KDM3B: variants seen among roughly 807,000 people sequenced by gnomAD.
The protein encoded by KDM3B is lysine-specific demethylase 3B.
In KDM3B, 10 loss-of-function variants were observed where a neutral mutation model predicts 170.0. The observed-to-expected ratio is 0.06, with a 90% CI of 0.04 to 0.10. The LOEUF is 0.10. KDM3B is among the 10% of genes least tolerant of loss of function. KDM3B has a pLI of 1.00. For missense variants in KDM3B, 1,394 were observed against 2,195.2 expected, an observed-to-expected ratio of 0.64 and a Z score of 7.29; for synonymous variants, 831 against 834.8, an observed-to-expected ratio of 1.00 and a Z score of 0.08.
At chr5:138,416,661 A>AT (rs1763115315) in intron 12 of KDM3B, among the ~76,000 whole-genome samples, 1 of 151,004 alleles carries the variant, frequency 6.6e-6, no homozygotes, top group Non-Finnish European at 1.5e-5. Flanking sequence ...TGGATCCCTT[A>AT]TACCCCACTG....
chr5:138,415,310 T>G lies in KDM3B; in HGVS notation c.3307+71T>G, dbSNP rs914422831. 4.5e-5 allele frequency: 43 copies of G among 947,230 alleles called. 1 individual carries two copies. Among genetic ancestry groups the G allele is most frequent in the Middle Eastern group, 4.4e-4 (2 of 4,538 alleles). The allele number at this position is 947,230 out of a possible 1,614,324, so 58.7% of individuals were successfully genotyped here. A position where few individuals can be genotyped will look rare whatever the true frequency, so the allele number is the denominator to read the frequency against. On this transcript the variant is annotated intron_variant, in intron 12 of 23. Transcript: ENST00000314358. ...TTGAGATAGCCATACACCATAAAAT[T>G]TTTTGAAATGATTTAGCCTCATTTT...
At position 138,382,575 on chromosome 5, in the gene KDM3B, C is replaced by G. The variant is rs546977674; in HGVS notation, c.780+985C>G. ...GTATCTTGGCACCTCTGTAATATTG[C>G]TGTCGTTGCCACTCCTGCTAAGTAT... On this transcript the variant is annotated intron_variant, in intron 6 of 23. Coordinates refer to ENST00000314358, the MANE Select transcript of KDM3B (RefSeq NM_016604.4). Among the ~76,000 whole-genome samples the G allele has an allele frequency of 1.3e-4, 20 of 152,346 alleles. No individual in the cohort carries two copies. In the South Asian group the frequency reaches 3.5e-3, roughly 27 times the overall value.
At chr5:138,358,272 G>A (rs1456182710) in intron 1 of KDM3B, among the ~76,000 whole-genome samples, 1 of 150,042 alleles carries the variant, frequency 6.7e-6, no homozygotes, top group East Asian at 2.0e-4. Context: ...CTGAACCACC[G>A]CGCTCGGCGG....
intron 3 of KDM3B, among the ~76,000 whole-genome samples, chr5:138,376,758 T>C (rs1762010269): frequency 6.6e-6 from 1 of 151,148 alleles, no homozygotes; most frequent in Non-Finnish European, 1.5e-5. Flanking sequence ...GAGGTGGCTG[T>C]TTGTGTAACT....
intron 1 of KDM3B, among the ~76,000 whole-genome samples, chr5:138,369,477 C>T (rs953712350): frequency 6.6e-6 from 1 of 152,278 alleles, no homozygotes; most frequent in East Asian, 1.9e-4. Flanking sequence ...CCACCGTATA[C>T]ACACACAAAA....
intron 17 of KDM3B, 166 bp downstream of exon 17, chr5:138,425,748 C>A: frequency 1.7e-6 from 1 of 602,720 alleles, no homozygotes; most frequent in Non-Finnish European, 2.7e-6. Flanking sequence ...TTGCTCGCTC[C>A]TGTAATTTCA....
intron 1 of KDM3B, among the ~76,000 whole-genome samples, chr5:138,368,678 A>G (rs532067159): frequency 6.6e-6 from 1 of 152,320 alleles, no homozygotes; most frequent in South Asian, 2.1e-4. Flanking sequence ...ATATTTACAT[A>G]TATCTACATT....
intron 4 of KDM3B, 42 bp downstream of exon 4, chr5:138,377,867 T>A: frequency 7.2e-7 from 1 of 1,392,712 alleles, no homozygotes; most frequent in Non-Finnish European, 1.0e-6. Flanking sequence ...CTGATTCAGG[T>A]GAATGATCAC....
intron 1 of KDM3B, 53 bp from the exon 2 acceptor site, chr5:138,372,621 T>C: frequency 6.9e-7 from 1 of 1,454,442 alleles, no homozygotes; most frequent in Non-Finnish European, 9.5e-7. Flanking sequence ...TTTATAAGTA[T>C]AGTGTGAGAT....
intron 11 of KDM3B, among the ~76,000 whole-genome samples, chr5:138,403,126 A>G (rs1362565346): frequency 9.9e-5 from 15 of 152,196 alleles, no homozygotes; most frequent in Admixed American, 7.9e-4. Context: ...TTCCATAACA[A>G]AGTATAAAGC....
At chr5:138,422,126 A>T (rs1031352455) in intron 15 of KDM3B, among the ~76,000 whole-genome samples, 26 of 152,046 alleles carry the variant, frequency 1.7e-4, no homozygotes, top group African/African-American at 6.3e-4. Flanking sequence ...AAATTCCATC[A>T]CACTGTCAGT....
At chr5:138,420,002 C>T (rs1763232138) in intron 14 of KDM3B, among the ~76,000 whole-genome samples, 1 of 152,154 alleles carries the variant, frequency 6.6e-6, no homozygotes, top group African/African-American at 2.4e-5. Flanking sequence ...TCTCCTGCCT[C>T]AGCCTCCCAA....
chr5:138,359,062 C>T (rs1157209069), intron 1 of KDM3B, among the ~76,000 whole-genome samples: 2 of 150,822 alleles, frequency 1.3e-5, no homozygotes, highest in African/African-American at 2.4e-5. Flanking sequence ...TTTGTTCTTG[C>T]GATAGTTTAC....
At chr5:138,366,440 C>T (rs1181542035) in intron 1 of KDM3B, among the ~76,000 whole-genome samples, 1 of 152,098 alleles carries the variant, frequency 6.6e-6, no homozygotes, top group Non-Finnish European at 1.5e-5. Context: ...AAGCAGTCCT[C>T]CTACCTCAGC....
At chr5:138,412,116 A>G (rs1199552199) in intron 11 of KDM3B, among the ~76,000 whole-genome samples, 1 of 148,898 alleles carries the variant, frequency 6.7e-6, no homozygotes, top group African/African-American at 2.5e-5. Flanking sequence ...CAGGTGGATC[A>G]CCTGAGGTCA....
At chr5:138,376,475 C>T (rs144057796) in intron 3 of KDM3B, among the ~76,000 whole-genome samples, 59 of 151,882 alleles carry the variant, frequency 3.9e-4, no homozygotes, top group Non-Finnish European at 7.7e-4. Flanking sequence ...GAGGCCGAGA[C>T]GGGCGGATCA....
chr5:138,393,211 G>C lies in KDM3B; in HGVS notation c.2670G>C (p.Lys890Asn). The C allele has an allele frequency of 1.9e-6, 3 of 1,614,208 alleles. No homozygotes were observed. Among genetic ancestry groups the C allele is most frequent in the Non-Finnish European group, 2.5e-6 (3 of 1,180,034 alleles). The change falls in exon 9 of 24, where the codon AAG becomes AAC. Residue 890 changes from lysine (K) to asparagine (N), a missense_variant. Physicochemically the swap from Lys to Asn is moderately conservative, Grantham distance 94 (BLOSUM62 0). Coordinates refer to ENST00000314358, the MANE Select transcript of KDM3B (RefSeq NM_016604.4). The part of the protein sequence containing the change: ...SVLKDVSKVK[K>N]LKQSGEPFLQ... ...TGAAAGATGTAAGCAAAGTGAAGAA[G>C]CTGAAGCAATCTGGAGAGCCCTTCC...
At chr5:138,396,928 A>G (rs1243614397) in intron 9 of KDM3B, among the ~76,000 whole-genome samples, 1 of 152,182 alleles carries the variant, frequency 6.6e-6, no homozygotes, top group Non-Finnish European at 1.5e-5. Context: ...GCTTATGCCT[A>G]TAATCCCTAC....
intron 1 of KDM3B, among the ~76,000 whole-genome samples, chr5:138,364,970 A>G (rs779895614): frequency 2.0e-5 from 3 of 152,262 alleles, no homozygotes; most frequent in Non-Finnish European, 4.4e-5. Context: ...GTAGAAAGCT[A>G]TCTCTTGAGA....
Sources: gnomAD v4.1 joint callset for allele counts (sites outside exome capture counted in the v4.1 genomes callset) on GRCh38, gnomAD v4.1.1 for gene constraint, MANE v1.5 for transcripts, NCBI Gene and HGNC (gene_info 2026-07-23, HGNC 2026-07-21) for gene names.